ABCA3: variants seen among roughly 807,000 people sequenced by gnomAD.
The protein encoded by ABCA3 is ATP binding cassette subfamily A member 3.
A neutral mutation model predicts 172.8 loss-of-function variants in ABCA3; 88 were observed. The observed-to-expected ratio is 0.51, with a 90% CI of 0.43 to 0.61. ABCA3 has a LOEUF of 0.61. Ranked by LOEUF, ABCA3 falls within the 20% of genes least tolerant of loss-of-function variation. The probability of loss-of-function intolerance (pLI) is 0.00; values close to 1 mark genes in which losing one functional copy is unlikely to be tolerated. For synonymous variants in ABCA3, 1,066 were observed against 983.8 expected, an observed-to-expected ratio of 1.08 and a Z score of -1.56; for missense variants, 2,164 against 2,301.0, an observed-to-expected ratio of 0.94 and a Z score of 1.22.
intron 28 of ABCA3, 51 bp downstream of exon 28, chr16:2,280,976 C>T: frequency 6.2e-7 from 1 of 1,612,540 alleles, no homozygotes; most frequent in Non-Finnish European, 8.5e-7. Flanking sequence ...CAGGGTGCCC[C>T]CTCCAGCCAT....
chr16:2,317,133 C>A (rs1469919713), intron 10 of ABCA3, 150 bp downstream of exon 10: 16 of 1,204,226 alleles, frequency 1.3e-5, no homozygotes, highest in Non-Finnish European at 1.8e-5. Context: ...GCTGACTTTC[C>A]TCCTTCCAGT....
intron 11 of ABCA3, 105 bp from the exon 12 acceptor site, chr16:2,304,255 A>C (rs2093694068): frequency 4.1e-6 from 5 of 1,228,432 alleles, no homozygotes; most frequent in Non-Finnish European, 6.0e-6. Context: ...TTGCATGGCC[A>C]CTGCTTGGTT....
intron 10 of ABCA3, among the ~76,000 whole-genome samples, chr16:2,311,671 G>A (rs375653628): frequency 3.9e-5 from 6 of 152,226 alleles, no homozygotes; most frequent in African/African-American, 9.6e-5. Flanking sequence ...ACAGGCATCC[G>A]CCACCATGCC....
At position 2,323,695 on chromosome 16, in the gene ABCA3, A is replaced by C; in HGVS notation, c.448-7T>G. ...ACCGTAGGTGATATTTCACCTGTGGAAACAAAGAGAAAACCAGCTGTTCCG... is the reference window on the plus strand; with the variant it reads ...ACCGTAGGTGATATTTCACCTGTGGCAACAAAGAGAAAACCAGCTGTTCCG... On this transcript the variant is annotated splice_region_variant and splice_polypyrimidine_tract_variant and intron_variant, in intron 6 of 32. Coordinates refer to ENST00000301732, the MANE Select transcript of ABCA3 (RefSeq NM_001089.3). The C allele has an allele frequency of 6.2e-7, 1 of 1,614,120 alleles. No individual in the cohort carries two copies. Among genetic ancestry groups the C allele is most frequent in the South Asian group, 1.1e-5 (1 of 91,082 alleles).
Position 2,328,546 on chromosome 16 carries a change from G to A in ABCA3, c.-120C>T, listed in dbSNP as rs370407638. On this transcript the variant is annotated 5_prime_UTR_variant, in exon 3 of 33. Transcript: ENST00000301732. ...GTGCTCTGAAAACTGAGTGTAAAGAGGGCGAGGTGTGCAGACGTGGCTGCT... is the reference window on the plus strand; with the variant it reads ...GTGCTCTGAAAACTGAGTGTAAAGAAGGCGAGGTGTGCAGACGTGGCTGCT... The A allele has an allele frequency of 7.4e-4, 384 of 515,946 alleles. 1 individual carries two copies. Among genetic ancestry groups the A allele is most frequent in the African/African-American group, 6.7e-3 (348 of 52,036 alleles). The allele number at this position is 515,946 out of a possible 1,614,324, so 32.0% of individuals were successfully genotyped here. A position where few individuals can be genotyped will look rare whatever the true frequency, so the allele number is the denominator to read the frequency against.
chr16:2,317,381 AG>A lies in ABCA3; in HGVS notation c.1012del (p.Leu338CysfsTer62), dbSNP rs1442310166. ...CACCAGGGAGGGGTCGCTGCGGGAC[AG>A]CACGGCTACATTTGGCTTCACCTGC... ...CVKVKPNVAVLSRSDPSLVLA... is the reference protein window; with the variant it reads ...CVKVKPNVAVXSRSDPSLVLA... On this transcript the variant is annotated frameshift_variant, in exon 10 of 33. Transcript: ENST00000301732. LOFTEE classifies it high-confidence loss of function. 1 of 1,613,846 alleles carries A rather than the reference AG, an allele frequency of 6.2e-7. No individual in the cohort carries two copies. Among genetic ancestry groups the A allele is most frequent in the Non-Finnish European group, 8.5e-7 (1 of 1,180,024 alleles).
intron 1 of ABCA3, chr16:2,332,245 TC>T: frequency 2.3e-6 from 1 of 443,534 alleles, no homozygotes. Flanking sequence ...TTTTTTTTTT[TC>T]CTTGAAACTT....
intron 18 of ABCA3, among the ~76,000 whole-genome samples, chr16:2,294,063 G>C (rs1217784915): frequency 6.6e-6 from 1 of 151,408 alleles, no homozygotes; most frequent in Non-Finnish European, 1.5e-5. Flanking sequence ...GAATCCAGGG[G>C]TGCAGGGGTG....
At chr16:2,318,674 G>A (rs1164379907) in intron 8 of ABCA3, among the ~76,000 whole-genome samples, 3 of 151,920 alleles carry the variant, frequency 2.0e-5, no homozygotes, top group Non-Finnish European at 2.9e-5. Context: ...TACCACGCCT[G>A]GCTAATTTTT....
intron 11 of ABCA3, among the ~76,000 whole-genome samples, chr16:2,305,057 C>G (rs1366077704): frequency 6.6e-6 from 1 of 152,140 alleles, no homozygotes; most frequent in Admixed American, 6.6e-5. Flanking sequence ...GGGCAACCTA[C>G]CCGCCTTGGC....
intron 5 of ABCA3, among the ~76,000 whole-genome samples, chr16:2,325,062 T>C (rs565525624): frequency 3.9e-5 from 6 of 152,154 alleles, no homozygotes; most frequent in African/African-American, 1.4e-4. Flanking sequence ...AATGCCCAAA[T>C]GAGGAGGGGA....
Position 2,283,295 on chromosome 16 carries a change from G to A in ABCA3, c.3926C>T (p.Ser1309Phe). The change falls in exon 26 of 33, where the codon TCC becomes TTC. Residue 1309 changes from serine (S) to phenylalanine (F), a missense_variant. Transcript: ENST00000301732. The surrounding 1 kb of genome is among the most constrained non-coding windows in gnomAD (Gnocchi z 5.4). ...SAPGVGRFVASMAASGCAYLI... is the reference protein window; with the variant it reads ...SAPGVGRFVAFMAASGCAYLI... ...GTAGGCGCACCCTGAGGCGGCCATG[G>A]AGGCCACAAACCGGCCGACCCCCGG... The A allele has an allele frequency of 4.3e-6, 7 of 1,613,262 alleles. No individual in the cohort carries two copies. Among genetic ancestry groups the A allele is most frequent in the Non-Finnish European group, 5.9e-6 (7 of 1,179,980 alleles).
At chr16:2,304,874 A>G (rs1284887641) in intron 11 of ABCA3, among the ~76,000 whole-genome samples, 2 of 151,646 alleles carry the variant, frequency 1.3e-5, no homozygotes, top group Non-Finnish European at 2.9e-5. Flanking sequence ...ACGGGGTTTC[A>G]CTGTGTTAGC....
At chr16:2,321,363 G>GCAT (rs1201594473) in intron 7 of ABCA3, among the ~76,000 whole-genome samples, 9 of 152,182 alleles carry the variant, frequency 5.9e-5, no homozygotes, top group Admixed American at 5.9e-4. Context: ...TTAGCCTGGT[G>GCAT]ACAGCCCTGG....
intron 10 of ABCA3, 150 bp from the exon 11 acceptor site, chr16:2,308,773 G>C: frequency 1.2e-6 from 1 of 866,418 alleles, no homozygotes; most frequent in Non-Finnish European, 1.8e-6. Flanking sequence ...ACAAGCTCCA[G>C]CACGGGGGGA....
chr16:2,331,030 G>C (rs919686492), intron 1 of ABCA3, among the ~76,000 whole-genome samples: 12 of 152,166 alleles, frequency 7.9e-5, no homozygotes, highest in African/African-American at 2.9e-4. Context: ...TTGAACCTTG[G>C]CTTGTTTTAA....
At chr16:2,309,455 C>A (rs888026041) in intron 10 of ABCA3, among the ~76,000 whole-genome samples, 3 of 152,130 alleles carry the variant, frequency 2.0e-5, no homozygotes, top group African/African-American at 7.2e-5. Flanking sequence ...CTGGATGCAG[C>A]AAGGAGGCGC....
intron 5 of ABCA3, among the ~76,000 whole-genome samples, chr16:2,324,888 G>A (rs1251835308): frequency 6.6e-6 from 1 of 152,152 alleles, no homozygotes; most frequent in Non-Finnish European, 1.5e-5. Context: ...AGAATGGTGT[G>A]TTTTTACAAA....
intron 17 of ABCA3, 49 bp from the exon 18 acceptor site, chr16:2,295,789 C>T (rs891630796): frequency 1.9e-6 from 3 of 1,612,346 alleles, no homozygotes; most frequent in African/African-American, 2.7e-5. Context: ...CCCCAGGTCT[C>T]TTCATGCCCA....
Sources: allele counts gnomAD v4.1 joint callset (sites outside exome capture counted in the v4.1 genomes callset), GRCh38; gene constraint gnomAD v4.1.1; non-coding constraint Gnocchi (gnomAD v3.1); transcripts MANE v1.5; gene names NCBI Gene and HGNC (gene_info 2026-07-23, HGNC 2026-07-21).